The following RARB variants were observed in gnomAD, a reference collection of about 807,000 sequenced individuals.
The protein encoded by RARB is HBV-activated protein.
Under a neutral mutation model 51.9 loss-of-function variants are expected in RARB, and 17 were observed. The observed-to-expected ratio is 0.33, with a 90% CI of 0.22 to 0.49. The LOEUF (loss-of-function observed/expected upper bound fraction) is 0.49, where lower values mean the gene tolerates loss of function less well. Among genes scored for constraint, RARB ranks in the 20% least tolerant of loss-of-function variants. RARB has a pLI of 0.99. For synonymous variants in RARB, 215 were observed against 195.4 expected (o/e 1.10, Z -0.84); for missense variants, 369 against 550.8 (o/e 0.67, Z 3.30).
intron 5 of RARB, among the ~76,000 whole-genome samples, chr3:25,355,085 CCTTAT>C (rs1705692945): frequency 6.6e-6 from 1 of 152,038 alleles, no homozygotes; most frequent in Non-Finnish European, 1.5e-5. Context: ...TTACTGCTTA[CCTTAT>C]AGGATGTACA....
At chr3:25,413,517 G>T (rs879866255) in intron 5 of RARB, among the ~76,000 whole-genome samples, 2 of 152,146 alleles carry the variant, frequency 1.3e-5, no homozygotes, top group African/African-American at 4.8e-5. Flanking sequence ...TCAGCTATGA[G>T]AGTTTGAAGC....
At chr3:25,322,271 A>G (rs1704593551) in intron 5 of RARB, among the ~76,000 whole-genome samples, 1 of 152,226 alleles carries the variant, frequency 6.6e-6, no homozygotes, top group Admixed American at 6.5e-5. Context: ...TAAACCTCAG[A>G]TAAGCCATAG....
At chr3:25,440,136 T>C (rs1708601051) in intron 1 of RARB, among the ~76,000 whole-genome samples, 3 of 152,204 alleles carry the variant, frequency 2.0e-5, no homozygotes, top group African/African-American at 7.2e-5. Flanking sequence ...TGTTTTTACA[T>C]ATATACATAG....
At chr3:25,309,270 G>A (rs71311495) in intron 5 of RARB, among the ~76,000 whole-genome samples, 1 of 148,708 alleles carries the variant, frequency 6.7e-6, no homozygotes, top group African/African-American at 2.5e-5. Flanking sequence ...CCTCAACTGA[G>A]ACTACAGGCA....
chr3:25,169,857 A>AC (rs1458233467), intron 4 of RARB, among the ~76,000 whole-genome samples: 3 of 152,014 alleles, frequency 2.0e-5, no homozygotes, highest in African/African-American at 7.2e-5. Flanking sequence ...GCCTGGTGAC[A>AC]CACACCTATA....
intron 4 of RARB, among the ~76,000 whole-genome samples, chr3:25,574,052 G>T (rs1297938453): frequency 6.6e-6 from 1 of 152,186 alleles, no homozygotes; most frequent in Admixed American, 6.5e-5. Context: ...AGAGAGGGTG[G>T]ATTCCCTGTG....
At chr3:25,290,444 T>C (rs918442573) in intron 5 of RARB, among the ~76,000 whole-genome samples, 2 of 151,962 alleles carry the variant, frequency 1.3e-5, no homozygotes, top group African/African-American at 4.8e-5. Context: ...CATGAGAAAA[T>C]GGATTTCTGT....
chr3:24,896,083 T>C (rs1209649791), intron 2 of RARB, among the ~76,000 whole-genome samples: 1 of 152,164 alleles, frequency 6.6e-6, no homozygotes, highest in Admixed American at 6.5e-5. Flanking sequence ...CTTGATGACA[T>C]TATACTAAGT....
intron 2 of RARB, among the ~76,000 whole-genome samples, chr3:24,874,334 A>T (rs1376331542): frequency 6.6e-6 from 1 of 152,076 alleles, no homozygotes; most frequent in African/African-American, 2.4e-5. Flanking sequence ...TGATTAAATC[A>T]ACCCTATTAA....
At chr3:25,218,475 A>C (rs1321021215) in intron 5 of RARB, among the ~76,000 whole-genome samples, 1 of 152,076 alleles carries the variant, frequency 6.6e-6, no homozygotes, top group Non-Finnish European at 1.5e-5. Context: ...CAGCATTGCC[A>C]TTTATTTTCA....
chr3:25,534,233 C>G (rs1699044110), intron 3 of RARB, among the ~76,000 whole-genome samples: 2 of 152,178 alleles, frequency 1.3e-5, no homozygotes, highest in Admixed American at 6.5e-5. Context: ...GAGCAAATAA[C>G]CAAGAGCATT....
At chr3:25,525,233 A>G (rs531590189) in intron 3 of RARB, among the ~76,000 whole-genome samples, 1 of 152,190 alleles carries the variant, frequency 6.6e-6, no homozygotes, top group South Asian at 2.1e-4. Flanking sequence ...AATTCTCAGA[A>G]TGCTAGGTTA....
intron 5 of RARB, among the ~76,000 whole-genome samples, chr3:25,410,060 T>C (rs1707518331): frequency 6.6e-6 from 1 of 152,256 alleles, no homozygotes; most frequent in African/African-American, 2.4e-5. Flanking sequence ...TCATTCATTG[T>C]CTTAGCCTAT....
chr3:25,144,082 A>G (rs1308562800), intron 4 of RARB, among the ~76,000 whole-genome samples: 1 of 152,160 alleles, frequency 6.6e-6, no homozygotes, highest in Non-Finnish European at 1.5e-5. Context: ...AGGTAGACTC[A>G]CCTGTTGCTG....
intron 5 of RARB, among the ~76,000 whole-genome samples, chr3:25,287,582 A>G (rs1703687282): frequency 6.6e-6 from 1 of 152,204 alleles, no homozygotes; most frequent in South Asian, 2.1e-4. Context: ...TGGGCCAAGC[A>G]GGCTTCTCCA....
chr3:24,920,039 C>G (rs1326340228), intron 2 of RARB, among the ~76,000 whole-genome samples: 1 of 152,162 alleles, frequency 6.6e-6, no homozygotes. Flanking sequence ...GGATGCTAGT[C>G]ATACAAACCA....
intron 5 of RARB, among the ~76,000 whole-genome samples, chr3:25,321,780 C>T (rs1191475264): frequency 1.3e-5 from 2 of 151,402 alleles, no homozygotes; most frequent in Non-Finnish European, 2.9e-5. Context: ...TGCAAAGAGA[C>T]CTTGCTCTTT....
At chr3:25,049,713 C>T (rs1322812711) in intron 2 of RARB, among the ~76,000 whole-genome samples, 1 of 152,170 alleles carries the variant, frequency 6.6e-6, no homozygotes, top group East Asian at 1.9e-4. Flanking sequence ...ATTATTTTAG[C>T]TCAGCATCTT....
Position 25,413,298 on chromosome 3 carries a change from A to G in RARB, c.179-47895A>G, listed in dbSNP as rs561017484. ...GTAACATTCATTCACTCTATTGCAC[A>G]TGGTTCAAGTTTGTTTGTTCTCATT... On this transcript the variant is annotated intron_variant, in intron 5 of 11. Transcript: ENST00000383772. 7.9e-5 allele frequency among the ~76,000 whole-genome samples: 12 copies of G among 152,140 alleles called. No homozygotes were observed. The South Asian group carries it at 2.5e-3, about 32-fold the overall frequency.
Sources: allele counts gnomAD v4.1 joint callset (sites outside exome capture counted in the v4.1 genomes callset), GRCh38; gene constraint gnomAD v4.1.1; transcripts MANE v1.5; gene names NCBI Gene and HGNC (gene_info 2026-07-23, HGNC 2026-07-21).